CCDC39: variants seen among roughly 807,000 people sequenced by gnomAD.
CCDC39 encodes the protein coiled-coil domain 39 molecular ruler complex subunit, also known as coiled-coil domain-containing protein 39.
In CCDC39, 113 loss-of-function variants were observed where a neutral mutation model predicts 121.0. The observed-to-expected ratio is 0.93, with a 90% CI of 0.80 to 1.09. The LOEUF is 1.09. Among genes scored for constraint, CCDC39 ranks in the 50% least tolerant of loss-of-function variants. CCDC39 has a pLI of 0.00. For missense variants in CCDC39, 1,063 were observed against 1,074.7 expected, an observed-to-expected ratio of 0.99 and a Z score of 0.15; for synonymous variants, 349 against 352.2, an observed-to-expected ratio of 0.99 and a Z score of 0.10.
At chr3:180,664,644 A>G (rs1171473782) in intron 1 of CCDC39, among the ~76,000 whole-genome samples, 1 of 152,036 alleles carries the variant, frequency 6.6e-6, no homozygotes, top group Non-Finnish European at 1.5e-5. Flanking sequence ...CAGCAATACT[A>G]TATTTTTATA....
intron 7 of CCDC39, among the ~76,000 whole-genome samples, chr3:180,653,719 A>C (rs1382887601): frequency 1.3e-5 from 2 of 152,160 alleles, no homozygotes; most frequent in Non-Finnish European, 2.9e-5. Flanking sequence ...TCAAAACAAA[A>C]TAGTGCAGTC....
chr3:180,677,936 C>T (rs1712281064), intron 1 of CCDC39, among the ~76,000 whole-genome samples: 2 of 152,048 alleles, frequency 1.3e-5, no homozygotes, highest in African/African-American at 4.8e-5. Context: ...TAATTTAATG[C>T]AATTGTGGTG....
chr3:180,666,892 C>T (rs1294811609), intron 1 of CCDC39, among the ~76,000 whole-genome samples: 1 of 151,982 alleles, frequency 6.6e-6, no homozygotes, highest in Non-Finnish European at 1.5e-5. Context: ...CACACACACA[C>T]ACAATCAGAT....
rs748509170 is a variant in CCDC39 at position 180,661,979 on chromosome 3, G to A, written c.239C>T (p.Thr80Ile). 1 of 1,554,246 alleles carries A rather than the reference G, an allele frequency of 6.4e-7. No individual in the cohort carries two copies. The highest frequency in any genetic ancestry group is 2.4e-5 in the East Asian group (1 of 41,548). The change falls in exon 3 of 20, where the codon ACT becomes ATT. Residue 80 changes from threonine to isoleucine, a missense_variant. Transcript: ENST00000476379. Reference sequence around the variant, plus strand: ...GGCCTTAAAATGTTCTTCACTTTCAGTCTCACGCTCCCTTGCTTTGCAAAG... The same window carrying A: ...GGCCTTAAAATGTTCTTCACTTTCAATCTCACGCTCCCTTGCTTTGCAAAG... ...QSLCKARERE[T>I]ESEEHFKAIA...
rs1007008869 is a variant in CCDC39, at chr3:180,614,805, AC to A, written c.*115del. The stretch of plus-strand genomic sequence containing the variant: ...TTTTTTTTTAAAACTATCAGTTTTT[AC>A]ACTTACCACTAAGTTTTTACACTTT... On this transcript the variant is annotated 3_prime_UTR_variant, in exon 20 of 20. Transcript: ENST00000476379. 1.5e-4 allele frequency: 130 copies of A among 879,840 alleles called. No homozygotes were observed. The highest frequency in any genetic ancestry group is 2.0e-4 in the Non-Finnish European group (122 of 597,536). The allele number at this position is 879,840 out of a possible 1,614,324, so 54.5% of individuals were successfully genotyped here.
chr3:180,664,795 A>G (rs1711832536), intron 1 of CCDC39, among the ~76,000 whole-genome samples: 3 of 151,046 alleles, frequency 2.0e-5, no homozygotes, highest in Admixed American at 1.3e-4. Context: ...TCCCGAGTTC[A>G]ACGAGATTCT....
At chr3:180,653,818 T>C (rs944269200) in intron 7 of CCDC39, among the ~76,000 whole-genome samples, 2 of 152,106 alleles carry the variant, frequency 1.3e-5, no homozygotes, top group Admixed American at 6.6e-5. Context: ...TAAAATGACA[T>C]GTATTTGCAT....
chr3:180,616,303 AAGG>A lies in CCDC39; in HGVS notation c.2644_2646del (p.Pro882del). 1 of 1,613,368 alleles carries A rather than the reference AAGG, an allele frequency of 6.2e-7. No individual in the cohort carries two copies. Among genetic ancestry groups the A allele is most frequent in the South Asian group, 1.1e-5 (1 of 91,070 alleles). ...TACCTTGCTGATAGTGAAGTATGTG[AAGG>A]AGATCTAGAGCTCTGACGACTGCCT... On this transcript the variant is annotated inframe_deletion, in exon 19 of 20. Transcript: ENST00000476379.
In CCDC39 at chr3:180,642,210, G is replaced by GT; in HGVS notation, c.1666-10dup. 1 of 1,515,482 alleles carries GT rather than the reference G, an allele frequency of 6.6e-7. No homozygotes were observed. The highest frequency in any genetic ancestry group is 8.9e-7 in the Non-Finnish European group (1 of 1,124,168). 93.9% of individuals were successfully genotyped at this position (1,515,482 alleles called of 1,614,324 possible). ...TCCTCTATCATCAAATCCTATCAAC[G>GT]TAACAAAATGGTCAAATATTGAAAT... On this transcript the variant is annotated splice_polypyrimidine_tract_variant and intron_variant, in intron 12 of 19. Transcript: ENST00000476379.
chr3:180,679,004 C>T lies in CCDC39; in HGVS notation c.90+287G>A, dbSNP rs1438638070. 9.2e-5 allele frequency among the ~76,000 whole-genome samples: 14 copies of T among 152,048 alleles called. No individual in the cohort carries two copies. The highest frequency in any genetic ancestry group is 7.2e-4 in the Admixed American group (11 of 15,274). On this transcript the variant is annotated intron_variant, in intron 1 of 19. Transcript: ENST00000476379. The surrounding 1 kb of genome is among the most constrained non-coding windows in gnomAD (Gnocchi z 4.0). ...GCCGGAACCAGCCTTTCCTCTCTCG[C>T]CAGGAGGAACGAAATAAGTAAGAGG...
chr3:180,674,288 T>G (rs1175719612), intron 1 of CCDC39, among the ~76,000 whole-genome samples: 1 of 152,170 alleles, frequency 6.6e-6, no homozygotes, highest in Non-Finnish European at 1.5e-5. Context: ...TTGTCTGTTA[T>G]TGGTGTATAA....
chr3:180,665,879 T>C (rs1190146397), intron 1 of CCDC39, among the ~76,000 whole-genome samples: 1 of 152,030 alleles, frequency 6.6e-6, no homozygotes, highest in African/African-American at 2.4e-5. Context: ...CTATTATAAA[T>C]TCTATTGGCT....
At chr3:180,656,837 GGC>G (rs1711591640) in intron 6 of CCDC39, among the ~76,000 whole-genome samples, 1 of 152,158 alleles carries the variant, frequency 6.6e-6, no homozygotes, top group Non-Finnish European at 1.5e-5. Flanking sequence ...CCAGCACCAT[GGC>G]AGTTTTCAAA....
intron 9 of CCDC39, among the ~76,000 whole-genome samples, chr3:180,650,453 T>C (rs1718173013): frequency 6.6e-6 from 1 of 152,178 alleles, no homozygotes. Flanking sequence ...AAAGCCACTT[T>C]TTGAACTATT....
intron 9 of CCDC39, among the ~76,000 whole-genome samples, chr3:180,649,910 AC>A (rs1252182598): frequency 6.6e-6 from 1 of 152,176 alleles, no homozygotes; most frequent in Admixed American, 6.5e-5. Context: ...AAACACCAAA[AC>A]TTTTAAAACA....
chr3:180,678,442 T>G (rs936926899), intron 1 of CCDC39, among the ~76,000 whole-genome samples: 2 of 152,216 alleles, frequency 1.3e-5, no homozygotes, highest in Non-Finnish European at 2.9e-5. Context: ...TGGACCTTCT[T>G]CTACACAACA....
At chr3:180,633,461 G>T (rs1472434941) in intron 13 of CCDC39, among the ~76,000 whole-genome samples, 2 of 151,922 alleles carry the variant, frequency 1.3e-5, no homozygotes, top group Non-Finnish European at 2.9e-5. Flanking sequence ...ACTAATGAAA[G>T]AATAACAGTG....
At chr3:180,642,668 A>G (rs1717983464) in intron 12 of CCDC39, among the ~76,000 whole-genome samples, 1 of 152,168 alleles carries the variant, frequency 6.6e-6, no homozygotes, top group Admixed American at 6.5e-5. Context: ...ATAAGATTTT[A>G]TTGTTTCATA....
rs1424087437 is a variant in CCDC39 at position 180,619,270 on chromosome 3, C to G, written c.2254G>C (p.Glu752Gln). Residue 752 changes from glutamate (E) to glutamine (Q), a missense_variant, in exon 16 of 20, where the codon GAA (glutamate) becomes CAA (glutamine). Glu to Gln is a conservative substitution (Grantham distance 29). Transcript: ENST00000476379. Reference sequence around the variant, plus strand: ...CCTGTAGAATTTACCTGGATGTCTTCTTGAAGTTCTCTGATTTGTCTTTGT... The same window carrying G: ...CCTGTAGAATTTACCTGGATGTCTTGTTGAAGTTCTCTGATTTGTCTTTGT... ...YKQRQIRELQ[E>Q]DIQSMENTLD... is the part of the protein sequence containing the mutation. 3.9e-6 allele frequency: 6 copies of G among 1,522,292 alleles called. No individual in the cohort carries two copies. The highest frequency in any genetic ancestry group is 5.4e-6 in the Non-Finnish European group (6 of 1,121,088). 94.3% of individuals were successfully genotyped at this position (1,522,292 alleles called of 1,614,324 possible).
Sources: gnomAD v4.1 joint callset for allele counts (sites outside exome capture counted in the v4.1 genomes callset) on GRCh38, gnomAD v4.1.1 for gene constraint, Gnocchi (gnomAD v3.1) non-coding constraint, MANE v1.5 for transcripts, NCBI Gene and HGNC (gene_info 2026-07-23, HGNC 2026-07-21) for gene names.